The following SLC24A3 variants were observed in gnomAD, a reference collection of about 807,000 sequenced individuals.
SLC24A3 encodes solute carrier family 24 member 3, also known as sodium/potassium/calcium exchanger 3.
Under a neutral mutation model 75.8 loss-of-function variants are expected in SLC24A3, and 28 were observed. The observed-to-expected ratio is 0.37, with a 90% CI of 0.27 to 0.51. The LOEUF is 0.51. Ranked by LOEUF, SLC24A3 falls within the 20% of genes least tolerant of loss-of-function variation. The pLI is 0.94. For synonymous variants in SLC24A3, 372 were observed against 334.1 expected (o/e 1.11, Z -1.24); for missense variants, 663 against 847.8 (o/e 0.78, Z 2.71).
chr20:19,473,810 C>T (rs556767751), intron 2 of SLC24A3, among the ~76,000 whole-genome samples: 1 of 152,320 alleles, frequency 6.6e-6, no homozygotes, highest in African/African-American at 2.4e-5. Context: ...ATCGGGCTGG[C>T]CCAGGCCTTT....
chr20:19,310,328 C>G (rs1175794108), intron 2 of SLC24A3, among the ~76,000 whole-genome samples: 1 of 152,186 alleles, frequency 6.6e-6, no homozygotes, highest in East Asian at 1.9e-4. Flanking sequence ...TGAGTCTGAC[C>G]ATGAATTTCA....
intron 2 of SLC24A3, among the ~76,000 whole-genome samples, chr20:19,513,462 A>T (rs1271324665): frequency 6.6e-6 from 1 of 152,202 alleles, no homozygotes; most frequent in African/African-American, 2.4e-5. Context: ...GGTGCTCAAT[A>T]AATGCTCACT....
intron 3 of SLC24A3, among the ~76,000 whole-genome samples, chr20:19,518,177 G>A (rs1242387843): frequency 6.6e-6 from 1 of 152,182 alleles, no homozygotes; most frequent in Non-Finnish European, 1.5e-5. Context: ...GTAACATCTG[G>A]CATTTGACTG....
At chr20:19,699,952 T>C (rs899928525) in intron 15 of SLC24A3, among the ~76,000 whole-genome samples, 2 of 152,124 alleles carry the variant, frequency 1.3e-5, no homozygotes, top group Non-Finnish European at 2.9e-5. Context: ...TCGTGACAAA[T>C]TGGTACAGCA....
intron 1 of SLC24A3, among the ~76,000 whole-genome samples, chr20:19,277,059 G>A (rs1017646082): frequency 2.6e-5 from 4 of 152,164 alleles, no homozygotes; most frequent in African/African-American, 4.8e-5. Context: ...TAAGGTGCAG[G>A]CTGCATTATT....
chr20:19,410,785 C>T (rs962920740), intron 2 of SLC24A3, among the ~76,000 whole-genome samples: 1 of 152,206 alleles, frequency 6.6e-6, no homozygotes, highest in East Asian at 1.9e-4. Context: ...ACACTAGCAA[C>T]ATCTTCATTC....
intron 1 of SLC24A3, among the ~76,000 whole-genome samples, chr20:19,276,110 G>A (rs937479187): frequency 1.3e-5 from 2 of 152,164 alleles, no homozygotes; most frequent in South Asian, 4.1e-4. Flanking sequence ...AGGGAGGATA[G>A]CCAGTGTGGG....
chr20:19,685,139 G>A lies in SLC24A3; in HGVS notation c.1102G>A (p.Glu368Lys), dbSNP rs1223054533. ...LINSRAYTNG[E>K]SEVAIKIPIK... Reference sequence around the variant, plus strand: ...AAACAGCAGGGCTTATACCAACGGGGAATCTGAGGTGGCCATCAAAATCCC... The same window carrying A: ...AAACAGCAGGGCTTATACCAACGGGAAATCTGAGGTGGCCATCAAAATCCC... The change falls in exon 12 of 17, where the codon GAA (glutamate) becomes AAA (lysine). Residue 368 changes from glutamate (E) to lysine (K), a missense_variant. Glu to Lys is a moderately conservative substitution (Grantham distance 56). Transcript: ENST00000328041. 3 of 1,613,664 alleles carry A rather than the reference G, an allele frequency of 1.9e-6. No homozygotes were observed.
chr20:19,245,060 G>A (rs1982446741), intron 1 of SLC24A3, among the ~76,000 whole-genome samples: 1 of 152,128 alleles, frequency 6.6e-6, no homozygotes, highest in Non-Finnish European at 1.5e-5. Context: ...ATAAACAGGG[G>A]ACTGTATGGT....
At chr20:19,618,035 C>T (rs1397708609) in intron 6 of SLC24A3, among the ~76,000 whole-genome samples, 3 of 151,686 alleles carry the variant, frequency 2.0e-5, no homozygotes, top group African/African-American at 7.3e-5. Context: ...GACTTCTCCT[C>T]CTAGCATTTC....
chr20:19,311,739 C>A (rs1984461646), intron 2 of SLC24A3, among the ~76,000 whole-genome samples: 1 of 152,072 alleles, frequency 6.6e-6, no homozygotes, highest in Admixed American at 6.5e-5. Flanking sequence ...CTGTTAGTAA[C>A]AACAGTATGC....
chr20:19,682,169 C>T (rs1378792555), intron 10 of SLC24A3, among the ~76,000 whole-genome samples, 178 bp downstream of exon 10: 1 of 152,140 alleles, frequency 6.6e-6, no homozygotes, highest in Non-Finnish European at 1.5e-5. Flanking sequence ...GCATGAGAAT[C>T]GCTTGAACGC....
At chr20:19,695,721 T>C (rs2032797181) in intron 13 of SLC24A3, 2 of 152,174 alleles carry the variant, frequency 1.3e-5, no homozygotes, top group African/African-American at 4.8e-5. Context: ...TTTTTCAGTC[T>C]CCAGGGAGGA....
intron 3 of SLC24A3, among the ~76,000 whole-genome samples, chr20:19,552,584 G>T (rs920617542): frequency 6.6e-6 from 1 of 152,126 alleles, no homozygotes; most frequent in Non-Finnish European, 1.5e-5. Context: ...TTGCCAGCTG[G>T]GTCTCTGGGC....
chr20:19,335,846 C>G (rs1306360710), intron 2 of SLC24A3, among the ~76,000 whole-genome samples: 1 of 152,308 alleles, frequency 6.6e-6, no homozygotes, highest in South Asian at 2.1e-4. Context: ...GTAGAACATA[C>G]ATGACCAGTG....
intron 7 of SLC24A3, among the ~76,000 whole-genome samples, chr20:19,661,258 C>G (rs3828001): frequency 0.026 from 3,916 of 152,258 alleles, 61 homozygotes; most frequent in South Asian, 0.069. Flanking sequence ...AAGCCCTGCC[C>G]GTAGGTCATT....
intron 2 of SLC24A3, among the ~76,000 whole-genome samples, chr20:19,464,567 C>T (rs1987733373): frequency 6.6e-6 from 1 of 152,230 alleles, no homozygotes; most frequent in Admixed American, 6.5e-5. Flanking sequence ...TTCGTATTCT[C>T]ACTCATTTGC....
intron 1 of SLC24A3, among the ~76,000 whole-genome samples, chr20:19,274,195 G>A (rs1176808240): frequency 2.0e-5 from 3 of 151,142 alleles, no homozygotes; most frequent in Non-Finnish European, 4.4e-5. Flanking sequence ...TGTGATTGCC[G>A]CCGCTGAGTT....
chr20:19,641,987 C>T (rs1313867509), intron 6 of SLC24A3, among the ~76,000 whole-genome samples: 1 of 152,188 alleles, frequency 6.6e-6, no homozygotes, highest in Non-Finnish European at 1.5e-5. Context: ...AGACCTGGCT[C>T]AAAACGTAGT....
Sources: allele counts gnomAD v4.1 joint callset (sites outside exome capture counted in the v4.1 genomes callset), GRCh38; gene constraint gnomAD v4.1.1; transcripts MANE v1.5; gene names NCBI Gene and HGNC (gene_info 2026-07-23, HGNC 2026-07-21).